The following NFYC variants were observed in gnomAD, a reference collection of about 807,000 sequenced individuals.
The protein encoded by NFYC is nuclear transcription factor Y subunit gamma.
In NFYC, 25 loss-of-function variants were observed where a neutral mutation model predicts 53.1. That is an observed-to-expected ratio of 0.47 (90% CI 0.34 to 0.66). NFYC has a LOEUF of 0.66. Among genes scored for constraint, NFYC ranks in the 30% least tolerant of loss-of-function variants. The pLI, the probability that NFYC is intolerant of heterozygous loss-of-function variation, is 0.01. For missense variants in NFYC, 260 were observed against 422.7 expected (o/e 0.62, Z 3.38); for synonymous variants, 145 against 152.6 (o/e 0.95, Z 0.37).
chr1:40,724,428 A>G lies in NFYC; in HGVS notation c.-8-14408A>G, dbSNP rs547255419. Among the ~76,000 whole-genome samples, 5 of 152,330 alleles carry G rather than the reference A, an allele frequency of 3.3e-5. 1 individual carries two copies. The South Asian group carries it at 8.3e-4, about 25-fold the overall frequency. On this transcript the variant is annotated intron_variant, in intron 1 of 9. Transcript: ENST00000447388. ...GATGTCTTCCAGTGAAACTGTTTCT[A>G]AAAACAGGCTGTAGGCCAGATGTGG... is the stretch of plus-strand genomic sequence containing the variant.
At chr1:40,695,570 AC>A (rs1643086444) in intron 1 of NFYC, 1 of 151,688 alleles carries the variant, frequency 6.6e-6, no homozygotes, top group Non-Finnish European at 1.5e-5. Context: ...ACAGGTGTGC[AC>A]CACAACACCC....
At chr1:40,739,795 GTTGAGT>G (rs1174285966) in intron 2 of NFYC, among the ~76,000 whole-genome samples, 2 of 152,180 alleles carry the variant, frequency 1.3e-5, no homozygotes, top group Non-Finnish European at 2.9e-5. Context: ...ATTCTTTCTG[GTTGAGT>G]TTAAGTAAAG....
chr1:40,704,312 C>T (rs550074603), intron 1 of NFYC, among the ~76,000 whole-genome samples: 1 of 152,148 alleles, frequency 6.6e-6, no homozygotes, highest in Non-Finnish European at 1.5e-5. Context: ...AATTCGTGAT[C>T]TGCCCCCCTC....
Position 40,743,918 on chromosome 1 carries a change from C to T in NFYC, c.106-3616C>T, listed in dbSNP as rs761227172. Among the ~76,000 whole-genome samples the T allele has an allele frequency of 3.9e-5, 6 of 152,214 alleles. No individual in the cohort carries two copies. In the South Asian group the frequency reaches 6.2e-4, roughly 16 times the overall value. ...AGGACCTTACTTTGAGTAGCAGGGCCGTAAAACAGTAGTCCTTAACTCTCA... is the reference window on the plus strand; with the variant it reads ...AGGACCTTACTTTGAGTAGCAGGGCTGTAAAACAGTAGTCCTTAACTCTCA... On this transcript the variant is annotated intron_variant, in intron 2 of 9. Transcript: ENST00000447388.
chr1:40,748,384 C>T (rs1645731075), intron 3 of NFYC, among the ~76,000 whole-genome samples: 1 of 152,198 alleles, frequency 6.6e-6, no homozygotes, highest in East Asian at 1.9e-4. Flanking sequence ...AGCAGTCCTC[C>T]AGCCTCAGCC....
In NFYC at chr1:40,763,054, C is replaced by T. The variant is rs1216489164; in HGVS notation, c.720+8C>T. 10 of 1,583,856 alleles carry T rather than the reference C, an allele frequency of 6.3e-6. No individual in the cohort carries two copies. The highest frequency in any genetic ancestry group is 8.6e-7 in the Non-Finnish European group (1 of 1,162,734). On this transcript the variant is annotated splice_region_variant and intron_variant, in intron 7 of 9. Coordinates refer to ENST00000447388, the MANE Select transcript of NFYC (RefSeq NM_014223.5). ...GAGATCCAGCAGATCCCGGTGAGTC[C>T]TGCCCTGAGGTCTGTCTTTACAACT...
At chr1:40,712,082 G>C (rs745384436) in intron 1 of NFYC, among the ~76,000 whole-genome samples, 8 of 152,160 alleles carry the variant, frequency 5.3e-5, no homozygotes, top group Non-Finnish European at 1.0e-4. Context: ...CATAATATTA[G>C]TTGTTACTAA....
Position 40,771,004 on chromosome 1 carries a change from C to T in NFYC, c.*176C>T, listed in dbSNP as rs906264133. The stretch of plus-strand genomic sequence containing the variant: ...GCCGAGATTCTCCAGCAGAAAGATG[C>T]AATATTTTTTGTTTCCTTTTTTTCC... On this transcript the variant is annotated 3_prime_UTR_variant, in exon 10 of 10. Coordinates refer to ENST00000447388, the MANE Select transcript of NFYC (RefSeq NM_014223.5). 7.4e-5 allele frequency: 47 copies of T among 638,430 alleles called. No homozygotes were observed. Among genetic ancestry groups the T allele is most frequent in the Non-Finnish European group, 9.4e-5 (35 of 373,576 alleles). 39.5% of individuals were successfully genotyped at this position (638,430 alleles called of 1,614,324 possible).
At chr1:40,707,695 C>T (rs959378401) in intron 1 of NFYC, among the ~76,000 whole-genome samples, 15 of 150,452 alleles carry the variant, frequency 1.0e-4, no homozygotes, top group Non-Finnish European at 1.3e-4. Context: ...GAAAAATTAG[C>T]GGGGGTGGTA....
At chr1:40,756,669 A>G (rs1047636031) in intron 5 of NFYC, among the ~76,000 whole-genome samples, 1 of 152,238 alleles carries the variant, frequency 6.6e-6, no homozygotes, top group South Asian at 2.1e-4. Context: ...AAGAGAGTTT[A>G]GAGACTACTT....
intron 1 of NFYC, among the ~76,000 whole-genome samples, chr1:40,736,184 C>T (rs1371795110): frequency 6.6e-6 from 1 of 152,174 alleles, no homozygotes; most frequent in Non-Finnish European, 1.5e-5. Context: ...ATTACATCAT[C>T]ACCCACTAAT....
At chr1:40,749,092 T>C (rs539523244) in intron 3 of NFYC, among the ~76,000 whole-genome samples, 54 of 152,268 alleles carry the variant, frequency 3.5e-4, no homozygotes, top group Admixed American at 5.9e-4. Context: ...TGGGTACATA[T>C]ATTATCTCAT....
At chr1:40,722,534 G>A (rs1318354713) in intron 1 of NFYC, among the ~76,000 whole-genome samples, 2 of 152,222 alleles carry the variant, frequency 1.3e-5, no homozygotes, top group Admixed American at 6.5e-5. Context: ...GCTCGGTACT[G>A]TATCTGGGAC....
At chr1:40,715,463 G>A (rs1010469366) in intron 1 of NFYC, among the ~76,000 whole-genome samples, 5 of 150,266 alleles carry the variant, frequency 3.3e-5, no homozygotes, top group South Asian at 2.1e-4. Context: ...GGCTGGTCTC[G>A]AACTCCTGGC....
intron 1 of NFYC, among the ~76,000 whole-genome samples, chr1:40,738,281 G>T (rs1645162922): frequency 6.6e-6 from 1 of 152,140 alleles, no homozygotes; most frequent in Non-Finnish European, 1.5e-5. Context: ...GATCCTCCTG[G>T]CTCACCTTCC....
intron 6 of NFYC, among the ~76,000 whole-genome samples, chr1:40,761,423 A>AT (rs770547412): frequency 2.0e-5 from 3 of 152,220 alleles, no homozygotes; most frequent in Non-Finnish European, 4.4e-5. Context: ...GTAGGACAGA[A>AT]TACATATGTA....
At chr1:40,713,673 A>G (rs908782752) in intron 1 of NFYC, among the ~76,000 whole-genome samples, 2 of 152,236 alleles carry the variant, frequency 1.3e-5, no homozygotes, top group Non-Finnish European at 2.9e-5. Context: ...GAGGCCCAGT[A>G]AGTTCAGGTG....
intron 1 of NFYC, chr1:40,712,506 G>T (rs1234155136): frequency 6.6e-6 from 1 of 151,946 alleles, no homozygotes; most frequent in Non-Finnish European, 1.5e-5. Flanking sequence ...ACCAAGCAGA[G>T]GTTACATATT....
intron 2 of NFYC, among the ~76,000 whole-genome samples, chr1:40,742,094 G>C (rs1425069038): frequency 6.6e-6 from 1 of 151,796 alleles, no homozygotes; most frequent in Non-Finnish European, 1.5e-5. Context: ...ATCTTATGTA[G>C]AGATGGAGGT....
Sources: gnomAD v4.1 joint callset for allele counts (sites outside exome capture counted in the v4.1 genomes callset) on GRCh38, gnomAD v4.1.1 for gene constraint, MANE v1.5 for transcripts, NCBI Gene and HGNC (gene_info 2026-07-23, HGNC 2026-07-21) for gene names.